Variants in ULK4 observed in about 807,000 individuals in gnomAD.
The protein encoded by ULK4 is inactive serine/threonine-protein kinase ULK4.
A neutral mutation model predicts 160.6 loss-of-function variants in ULK4; 133 were observed. That is an observed-to-expected ratio of 0.83 (90% confidence interval 0.72 to 0.96). ULK4 has a LOEUF of 0.96. Among genes scored for constraint, ULK4 ranks in the 40% least tolerant of loss-of-function variants. ULK4 has a pLI of 0.00. For missense variants in ULK4, 1,580 were observed against 1,499.5 expected (o/e 1.05, Z -0.89); for synonymous variants, 534 against 539.8 (o/e 0.99, Z 0.15).
chr3:41,866,557 C>T (rs1272047378), intron 17 of ULK4, among the ~76,000 whole-genome samples: 1 of 152,196 alleles, frequency 6.6e-6, no homozygotes, highest in Non-Finnish European at 1.5e-5. Context: ...TGACAGGAGG[C>T]AGAGCTCAGG....
At chr3:41,544,556 G>A (rs2086796874) in intron 32 of ULK4, among the ~76,000 whole-genome samples, 1 of 152,228 alleles carries the variant, frequency 6.6e-6, no homozygotes, top group South Asian at 2.1e-4. Context: ...AAAGTCTCCA[G>A]TGGATATTTC....
At chr3:41,434,340 G>T (rs534233944) in intron 34 of ULK4, among the ~76,000 whole-genome samples, 6 of 152,162 alleles carry the variant, frequency 3.9e-5, no homozygotes, top group African/African-American at 1.4e-4. Flanking sequence ...TGGAAATTTT[G>T]TTAAAATATA....
chr3:41,890,754 AGGGACG>A (rs1489566367), intron 16 of ULK4, among the ~76,000 whole-genome samples: 142 of 11,760 alleles, frequency 0.012, 3 homozygotes, highest in African/African-American at 0.053. Flanking sequence ...GAGGGACGGG[AGGGACG>A]GGAGGGACGG....
intron 27 of ULK4, among the ~76,000 whole-genome samples, chr3:41,702,155 G>GTATT (rs916239557): frequency 2.2e-4 from 34 of 151,966 alleles, no homozygotes; most frequent in South Asian, 6.2e-4. Flanking sequence ...ATGTATGTAT[G>GTATT]TATTTATTTA....
intron 31 of ULK4, among the ~76,000 whole-genome samples, chr3:41,602,338 G>A (rs1384319614): frequency 6.9e-6 from 1 of 145,374 alleles, no homozygotes; most frequent in Non-Finnish European, 1.5e-5. Flanking sequence ...GGAAAGGAAA[G>A]GAGGAAGGGA....
intron 32 of ULK4, among the ~76,000 whole-genome samples, chr3:41,474,853 C>G (rs79818844): frequency 0.032 from 4,653 of 146,156 alleles, 235 homozygotes; most frequent in African/African-American, 0.11. Context: ...ACATTGGCAA[C>G]AATGTGGAGG....
At chr3:41,739,036 A>G (rs952516281) in intron 22 of ULK4, among the ~76,000 whole-genome samples, 1 of 151,910 alleles carries the variant, frequency 6.6e-6, no homozygotes, top group Non-Finnish European at 1.5e-5. Context: ...GTGGATTACT[A>G]TTCTCCTTTT....
intron 29 of ULK4, among the ~76,000 whole-genome samples, chr3:41,676,536 T>C (rs988867189): frequency 5.3e-5 from 8 of 152,070 alleles, no homozygotes; most frequent in African/African-American, 1.9e-4. Context: ...GTGGCTTCAA[T>C]ATAAACTTAA....
intron 33 of ULK4, among the ~76,000 whole-genome samples, chr3:41,458,485 C>A (rs1251852835): frequency 6.6e-6 from 1 of 152,112 alleles, no homozygotes; most frequent in Non-Finnish European, 1.5e-5. Context: ...GCTTGTAATT[C>A]CAGCACGTTG....
chr3:41,726,995 A>G (rs79115120), intron 22 of ULK4, among the ~76,000 whole-genome samples: 1,758 of 152,194 alleles, frequency 0.012, 36 homozygotes, highest in African/African-American at 0.04. Context: ...CCCATTTCCC[A>G]AACTACTGTC....
intron 17 of ULK4, chr3:41,859,590 T>C (rs1170865828): frequency 1.9e-6 from 1 of 526,726 alleles, no homozygotes; most frequent in African/African-American, 1.9e-5. Flanking sequence ...GGCCATAATA[T>C]GCATGGTCAC....
chr3:41,823,272 T>G (rs923420053), intron 18 of ULK4, among the ~76,000 whole-genome samples: 4 of 152,008 alleles, frequency 2.6e-5, no homozygotes, highest in African/African-American at 4.8e-5. Context: ...AAGCATGGCA[T>G]AGTGGGTTTA....
At chr3:41,248,236 T>C (rs1396224131) in intron 36 of ULK4, among the ~76,000 whole-genome samples, 2 of 152,192 alleles carry the variant, frequency 1.3e-5, no homozygotes, top group Non-Finnish European at 2.9e-5. Context: ...CATAAATCTC[T>C]GTAGCTGGCT....
intron 21 of ULK4, among the ~76,000 whole-genome samples, chr3:41,786,202 A>T (rs1020610949): frequency 6.6e-6 from 1 of 152,182 alleles, no homozygotes; most frequent in African/African-American, 2.4e-5. Context: ...CTGTTAGGGC[A>T]TAAGCACTTA....
At chr3:41,513,771 G>T (rs1362463094) in intron 32 of ULK4, among the ~76,000 whole-genome samples, 1 of 152,198 alleles carries the variant, frequency 6.6e-6, no homozygotes, top group Non-Finnish European at 1.5e-5. Context: ...CTCTGAGGAT[G>T]CAAAGGCATA....
chr3:41,880,977 A>G (rs1257806069), intron 17 of ULK4, among the ~76,000 whole-genome samples: 1 of 152,188 alleles, frequency 6.6e-6, no homozygotes, highest in Non-Finnish European at 1.5e-5. Context: ...GTCTGCAACC[A>G]CAATTTTTCC....
chr3:41,444,431 A>G (rs985431471), intron 34 of ULK4, among the ~76,000 whole-genome samples: 2 of 151,492 alleles, frequency 1.3e-5, no homozygotes, highest in Admixed American at 6.6e-5. Context: ...ATGTCTCATA[A>G]TGAATTTGTT....
chr3:41,312,117 G>T (rs924100856), intron 35 of ULK4, among the ~76,000 whole-genome samples: 1 of 151,942 alleles, frequency 6.6e-6, no homozygotes, highest in Admixed American at 6.6e-5. Context: ...GGGGCTTACA[G>T]ATATGTACTA....
intron 22 of ULK4, among the ~76,000 whole-genome samples, chr3:41,721,339 T>C (rs1195355095): frequency 2.2e-5 from 1 of 45,484 alleles, no homozygotes; most frequent in African/African-American, 1.2e-4. Flanking sequence ...TGTAAATATA[T>C]ATATATATAT....
Sources: allele counts gnomAD v4.1 joint callset (sites outside exome capture counted in the v4.1 genomes callset), GRCh38; gene constraint gnomAD v4.1.1; transcripts MANE v1.5; gene names NCBI Gene and HGNC (gene_info 2026-07-23, HGNC 2026-07-21).